The following ATP8B1 variants were observed in gnomAD, a reference collection of about 807,000 sequenced individuals.
The protein encoded by ATP8B1 is phospholipid-transporting ATPase IC.
A neutral mutation model predicts 149.9 loss-of-function variants in ATP8B1; 80 were observed. That is an observed-to-expected ratio of 0.53 (90% confidence interval 0.45 to 0.64). The LOEUF (loss-of-function observed/expected upper bound fraction) is 0.64, where lower values mean the gene tolerates loss of function less well. Among genes scored for constraint, ATP8B1 ranks in the 30% least tolerant of loss-of-function variants. ATP8B1 has a pLI of 0.00. For missense variants in ATP8B1, 1,247 were observed against 1,552.6 expected (o/e 0.80, Z 3.31); for synonymous variants, 536 against 562.8 (o/e 0.95, Z 0.67).
At chr18:57,670,162 A>G (rs1011063444) in intron 17 of ATP8B1, among the ~76,000 whole-genome samples, 7 of 152,024 alleles carry the variant, frequency 4.6e-5, no homozygotes. Flanking sequence ...CAACTTTATA[A>G]CTTGTTCCAA....
At position 57,661,247 on chromosome 18, in the gene ATP8B1, G is replaced by T. The variant is rs572394080; in HGVS notation, c.2634C>A (p.Asp878Glu). ...TGGCTTTCTTGTACCTCTTCACCAG[G>T]TCCACCACCATGGCCTTCTGCTTGG... is the stretch of plus-strand genomic sequence containing the variant. ...VTPKQKAMVV[D>E]LVKRYKKAIT... The change falls in exon 22 of 28, where the codon GAC (aspartate) becomes GAA (glutamate). Residue 878 changes from aspartate to glutamate, a missense_variant. This residue lies in a region of ATP8B1 where 230 missense variants were observed against 356.6 expected (regional missense o/e 0.65). Coordinates refer to ENST00000648908, the MANE Select transcript of ATP8B1 (RefSeq NM_001374385.1). The T allele has an allele frequency of 6.2e-7, 1 of 1,613,928 alleles. No homozygotes were observed. The highest frequency in any genetic ancestry group is 1.7e-5 in the Admixed American group (1 of 59,992).
Position 57,662,545 on chromosome 18 carries a change from C to T in ATP8B1, c.2356G>A (p.Val786Met), listed in dbSNP as rs1385054015. 1 of 1,614,158 alleles carries T rather than the reference C, an allele frequency of 6.2e-7. No individual in the cohort carries two copies. Among genetic ancestry groups the T allele is most frequent in the Admixed American group, 1.7e-5 (1 of 60,020 alleles). ...CCGGGTGGAAAAAAAGATTCCTGCA[C>T]AGGAGGTGCAAACTTTGCGTAGACG... Reference protein sequence around the residue: ...GGVYAKFAPPVQESFFPPGGN... With the variant: ...GGVYAKFAPPMQESFFPPGGN... Residue 786 changes from valine (V) to methionine (M), a missense_variant, in exon 21 of 28, where the codon GTG becomes ATG. Val to Met is a conservative substitution (Grantham distance 21). Coordinates refer to ENST00000648908, the MANE Select transcript of ATP8B1 (RefSeq NM_001374385.1).
At chr18:57,760,995 AATAAAATAAAATAAAATAAC>A (rs1348590965) in intron 1 of ATP8B1, among the ~76,000 whole-genome samples, 9 of 63,868 alleles carry the variant, frequency 1.4e-4, no homozygotes, top group African/African-American at 2.6e-4. Context: ...TCTCAAATAA[AATAAAATAAAATAAAATAAC>A]ATAAAATAAC....
intron 12 of ATP8B1, among the ~76,000 whole-genome samples, chr18:57,689,845 G>A (rs560248089): frequency 2.6e-5 from 4 of 152,152 alleles, no homozygotes; most frequent in South Asian, 4.2e-4. Flanking sequence ...GTGAAACCCC[G>A]TCTCTACTAA....
intron 11 of ATP8B1, 21 bp downstream of exon 11, chr18:57,694,561 A>G (rs571688934): frequency 2.1e-6 from 3 of 1,427,810 alleles, no homozygotes; most frequent in African/African-American, 1.4e-5. Context: ...TGAGAGATCT[A>G]CTGAGATGAA....
chr18:57,686,909 T>C (rs1478639637), intron 13 of ATP8B1, among the ~76,000 whole-genome samples: 3 of 152,188 alleles, frequency 2.0e-5, no homozygotes, highest in African/African-American at 7.2e-5. Flanking sequence ...TGTGGTGTGA[T>C]CTTGGCTCAC....
intron 6 of ATP8B1, among the ~76,000 whole-genome samples, chr18:57,700,477 T>C (rs1459416312): frequency 6.6e-6 from 1 of 152,190 alleles, no homozygotes; most frequent in African/African-American, 2.4e-5. Context: ...TTTAAAACAA[T>C]ATTATAGTTT....
At chr18:57,760,088 A>G (rs942428910) in intron 1 of ATP8B1, among the ~76,000 whole-genome samples, 1 of 152,212 alleles carries the variant, frequency 6.6e-6, no homozygotes, top group African/African-American at 2.4e-5. Context: ...TTGGTGCTGC[A>G]GTACCTGGAT....
chr18:57,712,030 T>G (rs967322937), intron 2 of ATP8B1, among the ~76,000 whole-genome samples: 3 of 148,472 alleles, frequency 2.0e-5, no homozygotes, highest in Non-Finnish European at 3.0e-5. Flanking sequence ...TTGTGATTCC[T>G]CTCCTTCCCT....
At chr18:57,753,949 G>GAAAAAAAAAAAAAAAAAAAAA (rs1165856929) in intron 1 of ATP8B1, among the ~76,000 whole-genome samples, 1 of 93,092 alleles carries the variant, frequency 1.1e-5, no homozygotes, top group Non-Finnish European at 1.9e-5. Context: ...AAAAAAAAAA[G>GAAAAAAAAAAAAAAAAAAAAA]AAAGAAAGAA....
intron 4 of ATP8B1, among the ~76,000 whole-genome samples, chr18:57,703,645 C>T (rs916698685): frequency 3.1e-4 from 47 of 151,798 alleles, no homozygotes; most frequent in African/African-American, 8.2e-4. Flanking sequence ...GTAATCCGCA[C>T]GGCAGACACT....
chr18:57,653,765 A>C (rs191187965), intron 24 of ATP8B1, among the ~76,000 whole-genome samples: 1 of 146,672 alleles, frequency 6.8e-6, no homozygotes, highest in Admixed American at 7.1e-5. Flanking sequence ...GGCTCAAGTC[A>C]TACTCCTGCA....
At position 57,655,430 on chromosome 18, in the gene ATP8B1, G is replaced by A. The variant is rs779622129; in HGVS notation, c.2708-13C>T. On this transcript the variant is annotated splice_polypyrimidine_tract_variant and intron_variant, in intron 22 of 27. Transcript: ENST00000648908. ...CCAATGTGGGCAGCTATGGGGCAGAGGGAGAAAACACTGTGGATCATAAAC... is the reference window on the plus strand; with the variant it reads ...CCAATGTGGGCAGCTATGGGGCAGAAGGAGAAAACACTGTGGATCATAAAC... 1.9e-6 allele frequency: 3 copies of A among 1,609,594 alleles called. No homozygotes were observed. The highest frequency in any genetic ancestry group is 2.6e-6 in the Non-Finnish European group (3 of 1,175,866).
intron 1 of ATP8B1, among the ~76,000 whole-genome samples, chr18:57,753,864 G>T (rs777427640): frequency 6.9e-6 from 1 of 144,202 alleles, no homozygotes. Context: ...GGAGGCGGAG[G>T]TTGCAGTGAG....
intron 22 of ATP8B1, among the ~76,000 whole-genome samples, chr18:57,660,108 A>G (rs145470912): frequency 1.4e-4 from 21 of 152,304 alleles, no homozygotes; most frequent in Middle Eastern, 3.4e-3. Context: ...TTAATACAAG[A>G]TACTCCCTTA....
Position 57,652,637 on chromosome 18 carries a change from G to A in ATP8B1, c.3108C>T (p.Ser1036=), listed in dbSNP as rs373707622. 6.6e-5 allele frequency: 106 copies of A among 1,614,054 alleles called. No individual in the cohort carries two copies. The Middle Eastern group carries it at 8.2e-4, about 13-fold the overall frequency. ...LLFNYKRFFV[S]LLHGVLTSMI... ...TCGATGTTAGGACCCCATGCAACAAGCTTACAAAGAATCTCTTATAGTTGA... is the reference window on the plus strand; with the variant it reads ...TCGATGTTAGGACCCCATGCAACAAACTTACAAAGAATCTCTTATAGTTGA... Residue 1036 remains serine, a synonymous_variant, in exon 25 of 28, where the codon AGC becomes AGT. Transcript: ENST00000648908.
chr18:57,688,996 C>T lies in ATP8B1; in HGVS notation c.1221-489G>A, dbSNP rs1912397773. On this transcript the variant is annotated intron_variant, in intron 12 of 27. Transcript: ENST00000648908. ...CCATGCACTCAGCCTCTGGTTTCTC[C>T]TAACCACATGCATCATTCTCAGGCT... Among the ~76,000 whole-genome samples the T allele has an allele frequency of 5.3e-5, 8 of 152,330 alleles. 2 individuals are homozygous for T. In the South Asian group the frequency reaches 1.7e-3, roughly 32 times the overall value.
rs376210260 is a variant in ATP8B1, at chr18:57,756,236, C to CAT, written c.-25-24406_-25-24405dup. 3.3e-3 allele frequency among the ~76,000 whole-genome samples: 354 copies of CAT among 106,150 alleles called. 22 individuals are homozygous for CAT. Among genetic ancestry groups the CAT allele is most frequent in the African/African-American group, 0.01 (255 of 24,990 alleles). The allele number at this position is 106,150 out of a possible 152,430, so 69.6% of individuals were successfully genotyped here. On this transcript the variant is annotated intron_variant, in intron 1 of 27. Transcript: ENST00000648908. ...ACACACACACACACACACACACACA[C>CAT]ATATATACACACACACATATATATA...
Position 57,647,573 on chromosome 18 carries a change from T to C in ATP8B1, c.*915A>G, listed in dbSNP as rs929001858. On this transcript the variant is annotated 3_prime_UTR_variant, in exon 28 of 28. Coordinates refer to ENST00000648908, the MANE Select transcript of ATP8B1 (RefSeq NM_001374385.1). ...GAGGAAAAAGGGGCCTCTGGGAAAT[T>C]ATGCTGAAGATCACCGAAAGGAAAA... 2 of 152,566 alleles carry C rather than the reference T, an allele frequency of 1.3e-5. No individual in the cohort carries two copies. The highest frequency in any genetic ancestry group is 4.8e-5 in the African/African-American group (2 of 41,458). The allele number at this position is 152,566 out of a possible 1,614,324, so 9.5% of individuals were successfully genotyped here.
Sources: gnomAD v4.1 joint callset for allele counts (sites outside exome capture counted in the v4.1 genomes callset) on GRCh38, gnomAD v4.1.1 for gene constraint, gnomAD v4.1.1 regional missense constraint, MANE v1.5 for transcripts, NCBI Gene and HGNC (gene_info 2026-07-23, HGNC 2026-07-21) for gene names.